GADL1: variants seen among roughly 807,000 people sequenced by gnomAD.
GADL1 encodes the protein acidic amino acid decarboxylase GADL1.
GADL1 carries 71 observed loss-of-function variants against 69.5 expected under a neutral mutation model. The ratio of observed to expected loss-of-function variants is 1.02; its 90% CI spans 0.84 to 1.25. GADL1 has a LOEUF of 1.25. Ranked by LOEUF, GADL1 falls within the 50% of genes most tolerant of loss-of-function variation. GADL1 has a pLI of 0.00. For synonymous variants in GADL1, 254 were observed against 214.4 expected (o/e 1.18, Z -1.62); for missense variants, 737 against 631.8 (o/e 1.17, Z -1.79).
At chr3:30,816,683 C>CT (rs1697480050) in intron 11 of GADL1, among the ~76,000 whole-genome samples, 1 of 151,402 alleles carries the variant, frequency 6.6e-6, no homozygotes, top group Non-Finnish European at 1.5e-5. Context: ...GTAGCTGGGA[C>CT]TACAGGCGCA....
chr3:30,729,853 C>T (rs1695428392), intron 14 of GADL1, among the ~76,000 whole-genome samples: 1 of 152,032 alleles, frequency 6.6e-6, no homozygotes, highest in Non-Finnish European at 1.5e-5. Flanking sequence ...ACAGTGCTTG[C>T]AATAACAAAA....
intron 14 of GADL1, among the ~76,000 whole-genome samples, chr3:30,766,467 T>C (rs1341379499): frequency 1.3e-5 from 2 of 152,240 alleles, no homozygotes; most frequent in African/African-American, 4.8e-5. Flanking sequence ...CTGCAAATTA[T>C]GTAGCCTGTC....
intron 14 of GADL1, among the ~76,000 whole-genome samples, chr3:30,769,218 G>A (rs1559494284): frequency 6.6e-6 from 1 of 152,172 alleles, no homozygotes; most frequent in East Asian, 1.9e-4. Flanking sequence ...ATTCTGTAGA[G>A]ATGAGGATCT....
In GADL1 at chr3:30,738,361, A is replaced by C. The variant is rs558744312; in HGVS notation, c.1393-9946T>G. ...GGGTGCCAAACACCTCACAATGCTG[A>C]AAATAAATCTGCCCAAGGAAGAATC... On this transcript the variant is annotated intron_variant, in intron 14 of 14. Coordinates refer to ENST00000282538, the MANE Select transcript of GADL1 (RefSeq NM_207359.3). Among the ~76,000 whole-genome samples, 4 of 152,288 alleles carry C rather than the reference A, an allele frequency of 2.6e-5. No homozygotes were observed. The South Asian group carries it at 8.3e-4, about 32-fold the overall frequency.
At chr3:30,769,511 CT>C (rs1696367368) in intron 14 of GADL1, among the ~76,000 whole-genome samples, 1 of 152,168 alleles carries the variant, frequency 6.6e-6, no homozygotes, top group Admixed American at 6.5e-5. Context: ...TGCTTCCCCC[CT>C]GTGCCTGCCT....
In GADL1 at chr3:30,869,105, TAA is replaced by T. The variant is rs535310858; in HGVS notation, c.38-7342_38-7341del. ...AAAACAGTCTCTGTTCTCAAGTTGTTAAAAGTCTAGAAAGCGAATATTTAAGA... is the reference window on the plus strand; with the variant it reads ...AAAACAGTCTCTGTTCTCAAGTTGTTAAGTCTAGAAAGCGAATATTTAAGA... On this transcript the variant is annotated intron_variant, in intron 1 of 14. Coordinates refer to ENST00000282538, the MANE Select transcript of GADL1 (RefSeq NM_207359.3). Among the ~76,000 whole-genome samples, 71 of 151,822 alleles carry T rather than the reference TAA, an allele frequency of 4.7e-4. 3 individuals are homozygous for T. Among genetic ancestry groups the T allele is most frequent in the African/African-American group, 1.7e-3 (69 of 41,296 alleles).
chr3:30,821,382 C>T (rs1697576996), intron 11 of GADL1, among the ~76,000 whole-genome samples: 1 of 151,894 alleles, frequency 6.6e-6, no homozygotes, highest in Admixed American at 6.6e-5. Context: ...TACAAGTAAA[C>T]TGATATAATG....
At chr3:30,735,831 GA>G (rs980125502) in intron 14 of GADL1, among the ~76,000 whole-genome samples, 1 of 152,100 alleles carries the variant, frequency 6.6e-6, no homozygotes, top group African/African-American at 2.4e-5. Context: ...GGGCTGAGTG[GA>G]ATAATGGGAA....
In GADL1 at chr3:30,843,258, C is replaced by CTTT. The variant is rs71094001; in HGVS notation, c.786+949_786+951dup. Among the ~76,000 whole-genome samples, 787 of 139,184 alleles carry CTTT rather than the reference C, an allele frequency of 5.7e-3. 8 individuals are homozygous for CTTT. The highest frequency in any genetic ancestry group is 0.013 in the Admixed American group (177 of 13,964). 91.3% of individuals were successfully genotyped at this position (139,184 alleles called of 152,430 possible). A position where few individuals can be genotyped will look rare whatever the true frequency, so the allele number is the denominator to read the frequency against. Reference sequence around the variant, plus strand: ...GGCTGAGACCAAAATAATGATACACCTTTTTTTTTTTTTTTGAGATGGAGT... The same window carrying CTTT: ...GGCTGAGACCAAAATAATGATACACCTTTTTTTTTTTTTTTTTTGAGATGGAGT... On this transcript the variant is annotated intron_variant, in intron 8 of 14. Transcript: ENST00000282538.
chr3:30,803,850 A>G (rs1697204997), intron 11 of GADL1, among the ~76,000 whole-genome samples: 1 of 152,218 alleles, frequency 6.6e-6, no homozygotes, highest in African/African-American at 2.4e-5. Context: ...CAGAGAAAAC[A>G]TTTTAGAATA....
At chr3:30,886,207 C>T (rs965458857) in intron 1 of GADL1, among the ~76,000 whole-genome samples, 3 of 152,034 alleles carry the variant, frequency 2.0e-5, no homozygotes, top group African/African-American at 4.8e-5. Context: ...TGTACTTGAT[C>T]GCCTAATAAG....
At chr3:30,844,515 CA>C (rs748567362) in intron 6 of GADL1, 49 bp from the exon 7 acceptor site, 7 of 1,159,004 alleles carry the variant, frequency 6.0e-6, no homozygotes, top group Admixed American at 5.3e-5. Flanking sequence ...AAACATAGCA[CA>C]AAAAAAGCAT....
At chr3:30,791,427 C>G (rs1696912332) in intron 12 of GADL1, among the ~76,000 whole-genome samples, 2 of 152,146 alleles carry the variant, frequency 1.3e-5, no homozygotes, top group Non-Finnish European at 2.9e-5. Context: ...CTAAGCCTTC[C>G]TGAGCCTGCC....
intron 14 of GADL1, among the ~76,000 whole-genome samples, chr3:30,754,212 A>AT (rs753979123): frequency 4.6e-5 from 7 of 152,222 alleles, no homozygotes; most frequent in South Asian, 2.1e-4. Context: ...TTCCTCATGG[A>AT]TTACAAGTTC....
chr3:30,857,155 C>T lies in GADL1; in HGVS notation c.211-14G>A, dbSNP rs1249990905. On this transcript the variant is annotated splice_polypyrimidine_tract_variant and intron_variant, in intron 2 of 14. Coordinates refer to ENST00000282538, the MANE Select transcript of GADL1 (RefSeq NM_207359.3). ...CCATTCACACACCTGGAGATTCAAC[C>T]ACAACACAAATTGAGTATCCACCAT... 1.9e-6 allele frequency: 3 copies of T among 1,548,944 alleles called. No homozygotes were observed. The highest frequency in any genetic ancestry group is 2.4e-5 in the East Asian group (1 of 40,864).
At chr3:30,886,435 G>C (rs149034725) in intron 1 of GADL1, among the ~76,000 whole-genome samples, 9 of 152,212 alleles carry the variant, frequency 5.9e-5, no homozygotes, top group African/African-American at 2.2e-4. Flanking sequence ...ATGAGTAACT[G>C]TGCAGTTTTG....
intron 9 of GADL1, among the ~76,000 whole-genome samples, chr3:30,836,725 A>G (rs1697880929): frequency 6.7e-6 from 1 of 149,792 alleles, no homozygotes; most frequent in African/African-American, 2.5e-5. Context: ...GGCACTTGGA[A>G]TGAGGAATGG....
intron 4 of GADL1, among the ~76,000 whole-genome samples, chr3:30,853,740 C>T (rs1030437358): frequency 1.2e-4 from 19 of 152,198 alleles, no homozygotes; most frequent in African/African-American, 4.6e-4. Flanking sequence ...CTGTGTATCC[C>T]ATCCTTTCTG....
intron 14 of GADL1, among the ~76,000 whole-genome samples, chr3:30,750,608 A>G (rs570102563): frequency 6.6e-6 from 1 of 151,090 alleles, no homozygotes; most frequent in African/African-American, 2.4e-5. Flanking sequence ...CCCACTGTAT[A>G]AAAATTTCCG....
Sources: allele counts gnomAD v4.1 joint callset (sites outside exome capture counted in the v4.1 genomes callset), GRCh38; gene constraint gnomAD v4.1.1; transcripts MANE v1.5; gene names NCBI Gene and HGNC (gene_info 2026-07-23, HGNC 2026-07-21).